MAF: variants seen among roughly 807,000 people sequenced by gnomAD.
MAF encodes the protein MAF bZIP transcription factor.
A neutral mutation model predicts 22.0 loss-of-function variants in MAF; 10 were observed. The observed-to-expected ratio is 0.45, with a 90% CI of 0.28 to 0.77. The LOEUF (loss-of-function observed/expected upper bound fraction) is 0.77. Among genes scored for constraint, MAF ranks in the 30% least tolerant of loss-of-function variants. MAF has a pLI of 0.12. For synonymous variants in MAF, 337 were observed against 255.8 expected, an observed-to-expected ratio of 1.32 and a Z score of -3.03; for missense variants, 544 against 548.4, an observed-to-expected ratio of 0.99 and a Z score of 0.08.
downstream of MAF, among the ~76,000 whole-genome samples, chr16:79,583,719 A>G (rs111886098): frequency 4.8e-4 from 73 of 152,336 alleles, no homozygotes; most frequent in African/African-American, 1.7e-3. Context: ...ACAACTCAAG[A>G]TAGAAGACAG....
chr16:79,445,247 G>C, the MAF span, among the ~76,000 whole-genome samples: 1 of 150,458 alleles, frequency 6.6e-6, no homozygotes, highest in Non-Finnish European at 1.5e-5. Context: ...GTTTCACCAT[G>C]TTAGCCAGGA....
chr16:79,581,989 T>C (rs138246249), downstream of MAF, among the ~76,000 whole-genome samples: 30 of 152,340 alleles, frequency 2.0e-4, no homozygotes, highest in Non-Finnish European at 4.0e-4. Flanking sequence ...GTGCTAATAA[T>C]TTTACTGTAT....
At chr16:79,235,422 C>A in the MAF span, among the ~76,000 whole-genome samples, 1 of 151,970 alleles carries the variant, frequency 6.6e-6, no homozygotes, top group Non-Finnish European at 1.5e-5. Flanking sequence ...ATTAGCTGGG[C>A]ATGGTGGCAC....
At chr16:79,257,743 C>A in the MAF span, among the ~76,000 whole-genome samples, 2 of 152,176 alleles carry the variant, frequency 1.3e-5, no homozygotes, top group Non-Finnish European at 2.9e-5. Flanking sequence ...ACCATGTATG[C>A]GTCTCAGTAA....
At chr16:79,360,441 G>T in the MAF span, among the ~76,000 whole-genome samples, 1 of 152,144 alleles carries the variant, frequency 6.6e-6, no homozygotes, top group East Asian at 1.9e-4. Context: ...CCACTCATGA[G>T]TCATGTGGCT....
At chr16:79,509,694 C>CTGGCA in the MAF span, among the ~76,000 whole-genome samples, 1 of 152,238 alleles carries the variant, frequency 6.6e-6, no homozygotes, top group East Asian at 1.9e-4. Flanking sequence ...GGCCCAGGGC[C>CTGGCA]TGGCATGGCA....
the MAF span, among the ~76,000 whole-genome samples, chr16:79,502,708 A>ATACATATATATATATATATATATAT: frequency 2.9e-5 from 1 of 34,008 alleles, no homozygotes. Flanking sequence ...TATAAATATA[A>ATACATATATATATATATATATATAT]ATATATATAT....
At chr16:79,241,417 T>A in the MAF span, among the ~76,000 whole-genome samples, 1 of 151,998 alleles carries the variant, frequency 6.6e-6, no homozygotes, top group East Asian at 1.9e-4. Flanking sequence ...AATAGCTGAA[T>A]TGATCAGACA....
chr16:79,250,309 A>G, the MAF span, among the ~76,000 whole-genome samples: 2 of 152,158 alleles, frequency 1.3e-5, no homozygotes, highest in African/African-American at 4.8e-5. Context: ...GAAATTCCCT[A>G]TTGTGATTTT....
the MAF span, among the ~76,000 whole-genome samples, chr16:79,444,980 A>AAATT: frequency 1.3e-5 from 2 of 152,200 alleles, no homozygotes; most frequent in Non-Finnish European, 2.9e-5. Flanking sequence ...TTTCTGGCAA[A>AAATT]AATTAATAAT....
chr16:79,420,235 G>C, the MAF span, among the ~76,000 whole-genome samples: 4 of 152,192 alleles, frequency 2.6e-5, no homozygotes, highest in African/African-American at 9.6e-5. Context: ...ATGTGCATCA[G>C]TGTTCTTGTA....
the MAF span, among the ~76,000 whole-genome samples, chr16:79,445,233 T>G: frequency 1.4e-4 from 21 of 150,720 alleles, no homozygotes; most frequent in Non-Finnish European, 1.5e-5. Flanking sequence ...TTAGTAGAGA[T>G]GGGGTTTCAC....
At chr16:79,287,565 G>A in the MAF span, among the ~76,000 whole-genome samples, 2 of 152,224 alleles carry the variant, frequency 1.3e-5, no homozygotes, top group Non-Finnish European at 2.9e-5. Flanking sequence ...AAGCTGGAGT[G>A]TCTACGCAGG....
the MAF span, among the ~76,000 whole-genome samples, chr16:79,256,804 C>G: frequency 1.1e-4 from 16 of 152,116 alleles, no homozygotes; most frequent in Non-Finnish European, 7.4e-5. Context: ...TAAAAATCTC[C>G]CCATTGGTGC....
chr16:79,242,982 A>C, the MAF span, among the ~76,000 whole-genome samples: 2 of 152,050 alleles, frequency 1.3e-5, no homozygotes, highest in Non-Finnish European at 2.9e-5. Flanking sequence ...GGCAGAAATA[A>C]AGAAGTTTTT....
chr16:79,596,708 C>T (rs1375991924), intron 1 of MAF: 3 of 1,039,772 alleles, frequency 2.9e-6, no homozygotes, highest in South Asian at 4.6e-5. Context: ...GATGTCAGTC[C>T]CTGAAAATAA....
At chr16:79,477,559 A>T in the MAF span, among the ~76,000 whole-genome samples, 1 of 152,194 alleles carries the variant, frequency 6.6e-6, no homozygotes, top group African/African-American at 2.4e-5. Context: ...GCATGGTCAC[A>T]GTTGCCTTAT....
At chr16:79,482,493 G>C in the MAF span, among the ~76,000 whole-genome samples, 1 of 152,160 alleles carries the variant, frequency 6.6e-6, no homozygotes, top group Non-Finnish European at 1.5e-5. Flanking sequence ...TTAAAACACA[G>C]CCTGCCAGCT....
At chr16:79,206,885 C>A in the MAF span, 7 of 152,208 alleles carry the variant, frequency 4.6e-5, no homozygotes, top group African/African-American at 1.7e-4. Context: ...AATGTGTCCC[C>A]TAAAAGATTG....
Sources: gnomAD v4.1 joint callset for allele counts (sites outside exome capture counted in the v4.1 genomes callset) on GRCh38, gnomAD v4.1.1 for gene constraint, MANE v1.5 for transcripts, NCBI Gene and HGNC (gene_info 2026-07-23, HGNC 2026-07-21) for gene names.